THPO: variants seen among roughly 807,000 people sequenced by gnomAD.
The protein encoded by THPO is thrombopoietin, also known as MPL ligand.
Under a neutral mutation model 17.0 loss-of-function variants are expected in THPO, and 12 were observed. The observed-to-expected ratio is 0.71, with a 90% CI of 0.45 to 1.14. THPO has a LOEUF of 1.14. THPO is among the 50% of genes most tolerant of loss of function. The probability of loss-of-function intolerance (pLI) is 0.00; values close to 1 mark genes in which losing one functional copy is unlikely to be tolerated. For synonymous variants in THPO, 188 were observed against 183.0 expected, an observed-to-expected ratio of 1.03 and a Z score of -0.22; for missense variants, 365 against 427.5, an observed-to-expected ratio of 0.85 and a Z score of 1.29.
chr3:184,375,769 G>A (rs1401029666), intron 3 of THPO, 119 bp downstream of exon 3: 3 of 1,530,624 alleles, frequency 2.0e-6, no homozygotes, highest in South Asian at 2.3e-5. Context: ...AGTAGGTGGG[G>A]ACAATATGGG....
chr3:184,378,379 T>C (rs1267750056), upstream of THPO: 7 of 985,418 alleles, frequency 7.1e-6, no homozygotes, highest in South Asian at 4.7e-5. Flanking sequence ...ACCTGGGACC[T>C]GGAGGGGGAC....
Position 184,373,608 on chromosome 3 carries a change from C to T in THPO, c.229-26G>A, listed in dbSNP as rs372385655. The T allele has an allele frequency of 2.6e-5, 42 of 1,610,436 alleles. 1 individual carries two copies. The East Asian group carries it at 3.3e-4, about 13-fold the overall frequency. ...CTGAGAAAGAGATGGAAGAGAGAAG[C>T]GCACTGCCTCAAAGGGCACACTAAA... On this transcript the variant is annotated intron_variant, in intron 4 of 5. Transcript: ENST00000647395.
intron 1 of THPO, among the ~76,000 whole-genome samples, chr3:184,377,361 G>A (rs1714505430): frequency 6.6e-6 from 1 of 152,220 alleles, no homozygotes; most frequent in African/African-American, 2.4e-5. Context: ...GCCAAGAGAT[G>A]GGCTAACAGT....
At position 184,372,380 on chromosome 3, in the gene THPO, T is replaced by C; in HGVS notation, c.*133A>G. 9.2e-7 allele frequency: 1 copy of C among 1,083,656 alleles called. No individual in the cohort carries two copies. Among genetic ancestry groups the C allele is most frequent in the Non-Finnish European group, 1.4e-6 (1 of 707,504 alleles). 67.1% of individuals were successfully genotyped at this position (1,083,656 alleles called of 1,614,324 possible). On this transcript the variant is annotated 3_prime_UTR_variant, in exon 6 of 6. Transcript: ENST00000647395. ...TGAAAAATGATTCCCTTTTCAGTCCTGTGTATCCCTTTTACCAGGGCTTTG... is the reference window on the plus strand; with the variant it reads ...TGAAAAATGATTCCCTTTTCAGTCCCGTGTATCCCTTTTACCAGGGCTTTG...
chr3:184,376,122 C>T (rs565717181), intron 2 of THPO, 107 bp from the exon 3 acceptor site: 1 of 1,611,862 alleles, frequency 6.2e-7, no homozygotes, highest in African/African-American at 1.3e-5. Context: ...GGAATCCACC[C>T]CTCAGACCCC....
Position 184,376,006 on chromosome 3 carries a change from A to G in THPO, c.23T>C (p.Leu8Pro), listed in dbSNP as rs770662755. The change falls in exon 3 of 6, where the codon CTC (leucine) becomes CCC (proline). Residue 8 changes from leucine to proline, a missense_variant. Physicochemically the swap from Leu to Pro is moderately conservative, Grantham distance 98 (BLOSUM62 -3). Coordinates refer to ENST00000647395, the MANE Select transcript of THPO (RefSeq NM_000460.4). ...TGCAGTTAGGAGAAGCATGACCACG[A>G]GGAGCAATTCTTAGATGAGGAGAGG... MELTELLLVVMLLLTARL... is the reference protein window; with the variant it reads MELTELLPVVMLLLTARL... 3.7e-6 allele frequency: 6 copies of G among 1,614,038 alleles called. No homozygotes were observed. Among genetic ancestry groups the G allele is most frequent in the Non-Finnish European group, 5.1e-6 (6 of 1,179,990 alleles).
Position 184,376,402 on chromosome 3 carries a change from A to G in THPO, c.-143T>C. Reference sequence around the variant, plus strand: ...AAGGCGGGCCAAGGGTGAAGAATCTATCCTGAAAGTAGCAAGAAGAGTGAA... The same window carrying G: ...AAGGCGGGCCAAGGGTGAAGAATCTGTCCTGAAAGTAGCAAGAAGAGTGAA... On this transcript the variant is annotated splice_region_variant and 5_prime_UTR_variant, in exon 2 of 6. An upstream open reading frame in the 5' UTR loses its in-frame stop. Transcript: ENST00000647395. 1 of 1,586,316 alleles carries G rather than the reference A, an allele frequency of 6.3e-7. No homozygotes were observed. The highest frequency in any genetic ancestry group is 8.6e-7 in the Non-Finnish European group (1 of 1,169,346).
Position 184,372,596 on chromosome 3 carries a change from G to T in THPO, c.979C>A (p.Pro327Thr). 1 of 1,614,088 alleles carries T rather than the reference G, an allele frequency of 6.2e-7. No homozygotes were observed. The change falls in exon 6 of 6, where the codon CCT becomes ACT. Residue 327 changes from proline to threonine, a missense_variant. Coordinates refer to ENST00000647395, the MANE Select transcript of THPO (RefSeq NM_000460.4). ...GTAGGGGTGGGCGTTGGAGCAGAAGGGTCAGGAAGCAGGGGGTGGAGCTGG... is the reference window on the plus strand; with the variant it reads ...GTAGGGGTGGGCGTTGGAGCAGAAGTGTCAGGAAGCAGGGGGTGGAGCTGG... ...VVQLHPLLPD[P>T]SAPTPTPTSP...
Position 184,375,970 on chromosome 3 carries a change from A to G in THPO, c.59T>C (p.Leu20Pro), listed in dbSNP as rs780726467. 6 of 1,614,024 alleles carry G rather than the reference A, an allele frequency of 3.7e-6. No individual in the cohort carries two copies. The Admixed American group carries it at 8.3e-5, about 22-fold the overall frequency. The change falls in exon 3 of 6, where the codon CTG becomes CCG. Residue 20 changes from leucine (L) to proline (P), a missense_variant. Leu to Pro is a moderately conservative substitution (Grantham distance 98). Coordinates refer to ENST00000647395, the MANE Select transcript of THPO (RefSeq NM_000460.4). ...VMLLLTARLT[L>P]SSPAPPACDL... ...ACAAGCAGGAGGAGCCGGGCTGGACAGCGTTAGCCTTGCAGTTAGGAGAAG... is the reference window on the plus strand; with the variant it reads ...ACAAGCAGGAGGAGCCGGGCTGGACGGCGTTAGCCTTGCAGTTAGGAGAAG...
chr3:184,374,401 A>AT (rs1714215040), intron 4 of THPO, among the ~76,000 whole-genome samples: 1 of 152,198 alleles, frequency 6.6e-6, no homozygotes, highest in African/African-American at 2.4e-5. Flanking sequence ...TTTTTAAACT[A>AT]TTGCCCATAA....
At chr3:184,376,954 C>A (rs895076303) in intron 1 of THPO, among the ~76,000 whole-genome samples, 16 of 152,314 alleles carry the variant, frequency 1.1e-4, no homozygotes, top group Middle Eastern at 6.8e-3. Flanking sequence ...GTGCCACCTA[C>A]CCCTGCTGAG....
At chr3:184,378,831 T>G, upstream of THPO, 6 of 985,320 alleles carry the variant, frequency 6.1e-6, no homozygotes, top group Non-Finnish European at 7.2e-6. Flanking sequence ...GGGCCCTCCT[T>G]TGCTTGTTCT....
rs758238902 is a variant in THPO at position 184,373,049 on chromosome 3, C to A, written c.526G>T (p.Ala176Ser). The A allele has an allele frequency of 8.1e-6, 13 of 1,613,888 alleles. No individual in the cohort carries two copies. The highest frequency in any genetic ancestry group is 1.0e-5 in the Non-Finnish European group (12 of 1,180,018). The change falls in exon 6 of 6, where the codon GCC becomes TCC. Residue 176 changes from alanine (A) to serine (S), a missense_variant. Physicochemically the swap from Ala to Ser is moderately conservative, Grantham distance 99. Coordinates refer to ENST00000647395, the MANE Select transcript of THPO (RefSeq NM_000460.4). ...CTGGGGACAGCTGTGGTGGGTGGGGCCCGCCTGACGCAGAGGGTGGACCCT... is the reference window on the plus strand; with the variant it reads ...CTGGGGACAGCTGTGGTGGGTGGGGACCGCCTGACGCAGAGGGTGGACCCT... ...VGGSTLCVRR[A>S]PPTTAVPSRT...
At chr3:184,373,351 G>A in intron 5 of THPO, 64 bp downstream of exon 5, 1 of 1,600,668 alleles carries the variant, frequency 6.2e-7, no homozygotes, top group Non-Finnish European at 8.6e-7. Flanking sequence ...TCTTCCCTCA[G>A]GTCTTCTAGG....
chr3:184,377,990 G>T (rs887515242), intron 1 of THPO, 85 bp downstream of exon 1: 1 of 941,618 alleles, frequency 1.1e-6, no homozygotes, highest in Non-Finnish European at 1.3e-6. Context: ...GTTCCAGTTT[G>T]CCTGCCCCTC....
chr3:184,372,723 C>T lies in THPO; in HGVS notation c.852G>A (p.Leu284=), dbSNP rs150122652. ...ISSGTSDTGS[L]PPNLQPGYSP... is the part of the protein sequence containing the mutation. ...AATATCCAGGCTGGAGGTTGGGTGGCAGGGAGCCTGTGTCTGATGTTCCTG... is the reference window on the plus strand; with the variant it reads ...AATATCCAGGCTGGAGGTTGGGTGGTAGGGAGCCTGTGTCTGATGTTCCTG... The change falls in exon 6 of 6, where the codon CTG becomes CTA. Residue 284 remains leucine, a synonymous_variant. Transcript: ENST00000647395. 352 of 1,613,726 alleles carry T rather than the reference C, an allele frequency of 2.2e-4. 6 individuals are homozygous for T. In the East Asian group the frequency reaches 7.6e-3, roughly 35 times the overall value.
intron 1 of THPO, among the ~76,000 whole-genome samples, chr3:184,376,938 G>A (rs1714467977): frequency 1.3e-5 from 2 of 152,194 alleles, no homozygotes; most frequent in South Asian, 4.1e-4. Flanking sequence ...ATCGGACATG[G>A]ATTTGGTGCC....
chr3:184,378,997 T>A, upstream of THPO: 1 of 346,750 alleles, frequency 2.9e-6, no homozygotes, highest in Non-Finnish European at 4.1e-6. Context: ...GCTCCTTTGC[T>A]TTCTTCCCAG....
In THPO at chr3:184,375,717, G is replaced by C. The variant is rs113064826; in HGVS notation, c.142-116C>G. 2.7e-5 allele frequency: 39 copies of C among 1,455,080 alleles called. 1 individual carries two copies. Among genetic ancestry groups the C allele is most frequent in the Non-Finnish European group, 2.3e-5 (24 of 1,040,228 alleles). 90.1% of individuals were successfully genotyped at this position (1,455,080 alleles called of 1,614,324 possible). On this transcript the variant is annotated intron_variant, in intron 3 of 5. Transcript: ENST00000647395. ...TCTCTAGACGAGAGCTTTTAAATGC[G>C]GGCTGTATTGTGAAGAATAATCCTT...
Sources: gnomAD v4.1 joint callset for allele counts (sites outside exome capture counted in the v4.1 genomes callset) on GRCh38, gnomAD v4.1.1 for gene constraint, MANE v1.5 for transcripts, NCBI Gene and HGNC (gene_info 2026-07-23, HGNC 2026-07-21) for gene names.